Variants in PGAP2 observed in about 807,000 individuals in gnomAD.
PGAP2 encodes the protein acyltransferase PGAP2.
In PGAP2, 21 loss-of-function variants were observed where a neutral mutation model predicts 33.2. The observed-to-expected ratio is 0.63, with a 90% confidence interval of 0.45 to 0.91. PGAP2 has a LOEUF of 0.91. PGAP2 is among the 40% of genes least tolerant of loss of function. PGAP2 has a pLI of 0.00. For synonymous variants in PGAP2, 161 were observed against 172.9 expected (o/e 0.93, Z 0.54); for missense variants, 345 against 424.0 (o/e 0.81, Z 1.64).
intron 3 of PGAP2, among the ~76,000 whole-genome samples, chr11:3,823,386 G>T (rs1013686146): frequency 6.6e-6 from 1 of 152,098 alleles, no homozygotes; most frequent in African/African-American, 2.4e-5. Flanking sequence ...CTACCACCTT[G>T]GCACACCTGC....
At chr11:3,822,885 A>G (rs1393828642) in intron 3 of PGAP2, 2 of 1,319,684 alleles carry the variant, frequency 1.5e-6, no homozygotes, top group African/African-American at 3.0e-5. Context: ...GCAGCTGTGT[A>G]TTATCTTCTC....
At chr11:3,799,605 A>C (rs572760779) in intron 1 of PGAP2, among the ~76,000 whole-genome samples, 77 of 152,370 alleles carry the variant, frequency 5.1e-4, no homozygotes, top group Non-Finnish European at 9.4e-4. Context: ...CCTAAAATGT[A>C]AATGAGTTTA....
Position 3,825,379 on chromosome 11 carries a change from C to T in PGAP2, c.869C>T (p.Ala290Val), listed in dbSNP as rs753497329. ...LEYTVVLTNM[A>V]FHMTAWWDFG... ...TACACTGTTGTCTTAACCAACATGG[C>T]GTTCCACATGACGGCCTGGTGGGAC... The change falls in exon 7 of 7, where the codon GCG becomes GTG. Residue 290 changes from alanine to valine, a missense_variant. Around this residue, in one of 2 missense-constraint regions of PGAP2, gnomAD observed 311 missense variants for 353.6 expected, o/e 0.88. Transcript: ENST00000278243. 9.3e-6 allele frequency: 15 copies of T among 1,613,574 alleles called. No homozygotes were observed. The highest frequency in any genetic ancestry group is 4.4e-5 in the South Asian group (4 of 91,064).
upstream of PGAP2, among the ~76,000 whole-genome samples, chr11:3,806,599 A>T (rs1480491980): frequency 6.6e-6 from 1 of 152,206 alleles, no homozygotes; most frequent in Non-Finnish European, 1.5e-5. Context: ...AACAAATGCT[A>T]AGTGGCATTA....
Position 3,823,036 on chromosome 11 carries a change from T to C in PGAP2, c.349-847T>C, listed in dbSNP as rs757249834. On this transcript the variant is annotated intron_variant, in intron 3 of 6. Coordinates refer to ENST00000278243, the MANE Select transcript of PGAP2 (RefSeq NM_014489.4). ...TCTTTTTTCTTTTCTTTTTTTTTTT[T>C]TTTTTTTTTTTTTTTTTTGAGACAG... The C allele has an allele frequency of 2.8e-4, 122 of 442,878 alleles. No individual in the cohort carries two copies. The African/African-American group carries it at 2.9e-3, about 10-fold the overall frequency. The allele number at this position is 442,878 out of a possible 1,614,324, so 27.4% of individuals were successfully genotyped here.
At chr11:3,800,936 C>T (rs1272632436) in intron 1 of PGAP2, among the ~76,000 whole-genome samples, 2 of 151,262 alleles carry the variant, frequency 1.3e-5, no homozygotes, top group East Asian at 3.9e-4. Context: ...AGTTCGAAAC[C>T]CGCCTGGCCA....
upstream of PGAP2, chr11:3,808,229 G>A: frequency 6.5e-7 from 1 of 1,534,908 alleles, no homozygotes; most frequent in African/African-American, 1.4e-5. Flanking sequence ...GTGCGAGGCA[G>A]GAGAGACGGG....
At chr11:3,804,992 G>A (rs758305158), upstream of PGAP2, among the ~76,000 whole-genome samples, 26 of 152,138 alleles carry the variant, frequency 1.7e-4, no homozygotes, top group South Asian at 2.7e-3. Flanking sequence ...GTGAGCCACC[G>A]CACCCGGCCC....
intron 1 of PGAP2, among the ~76,000 whole-genome samples, chr11:3,799,537 A>G (rs2083153109): frequency 6.6e-6 from 1 of 152,228 alleles, no homozygotes; most frequent in Admixed American, 6.6e-5. Flanking sequence ...AAATTTTTAA[A>G]AAACCTCCAC....
chr11:3,813,591 C>T (rs768359927), intron 2 of PGAP2, among the ~76,000 whole-genome samples: 2 of 152,074 alleles, frequency 1.3e-5, no homozygotes, highest in Non-Finnish European at 2.9e-5. Flanking sequence ...CACACTGTTG[C>T]CCAGGCTGGT....
At chr11:3,819,358 C>CAGT (rs2087948341) in intron 3 of PGAP2, among the ~76,000 whole-genome samples, 2 of 152,120 alleles carry the variant, frequency 1.3e-5, no homozygotes, top group Admixed American at 1.3e-4. Flanking sequence ...GAGGCTGGTG[C>CAGT]AGTAGCTCAT....
upstream of PGAP2, among the ~76,000 whole-genome samples, chr11:3,804,354 A>C (rs112898337): frequency 0.027 from 4,157 of 152,140 alleles, 197 homozygotes; most frequent in African/African-American, 0.094. Flanking sequence ...AAGATGAGTG[A>C]GCTGGGGGTG....
In PGAP2 at chr11:3,825,413, C is replaced by T; in HGVS notation, c.903C>T (p.Asn301=). The T allele has an allele frequency of 6.2e-7, 1 of 1,613,846 alleles. No homozygotes were observed. The highest frequency in any genetic ancestry group is 8.5e-7 in the Non-Finnish European group (1 of 1,179,964). ...FHMTAWWDFG[N]KELLITSQPE... ...TGACGGCCTGGTGGGACTTCGGGAA[C>T]AAGGAGCTGCTCATAACCTCTCAGC... The change falls in exon 7 of 7, where the codon AAC becomes AAT. Residue 301 remains asparagine, a synonymous_variant. Transcript: ENST00000278243.
upstream of PGAP2, among the ~76,000 whole-genome samples, chr11:3,804,424 C>G (rs926157164): frequency 2.6e-5 from 4 of 152,058 alleles, no homozygotes; most frequent in Admixed American, 1.3e-4. Context: ...TTGAGAAGAA[C>G]AAGAATAACT....
rs769521183 is a variant in PGAP2 at position 3,824,665 on chromosome 11, C to G, written c.708+289C>G. On this transcript the variant is annotated intron_variant, in intron 5 of 6. Coordinates refer to ENST00000278243, the MANE Select transcript of PGAP2 (RefSeq NM_014489.4). ...CATCTAGGCGGCAGTGAGTTAGGAA[C>G]AGTGTCAGAGGACTGGTCTGTCATA... 5 of 739,030 alleles carry G rather than the reference C, an allele frequency of 6.8e-6. No homozygotes were observed. The African/African-American group carries it at 7.1e-5, about 10-fold the overall frequency. 45.8% of individuals were successfully genotyped at this position (739,030 alleles called of 1,614,324 possible).
intron 1 of PGAP2, among the ~76,000 whole-genome samples, chr11:3,809,188 T>G (rs1244817888): frequency 2.0e-5 from 3 of 152,150 alleles, no homozygotes; most frequent in Non-Finnish European, 4.4e-5. Context: ...TGAGGAGATC[T>G]CTAGGGACTT....
chr11:3,808,590 C>G lies in PGAP2; in HGVS notation c.-72C>G. Reference sequence around the variant, plus strand: ...CGCTCTGACCAGCCCGCAGAGCCAGCCCCCGACCCCGGGCCACCTGGGCCC... The same window carrying G: ...CGCTCTGACCAGCCCGCAGAGCCAGGCCCCGACCCCGGGCCACCTGGGCCC... On this transcript the variant is annotated 5_prime_UTR_variant, in exon 1 of 7. Transcript: ENST00000278243. 2 of 1,346,048 alleles carry G rather than the reference C, an allele frequency of 1.5e-6. No individual in the cohort carries two copies. The highest frequency in any genetic ancestry group is 1.7e-5 in the South Asian group (1 of 59,246). The allele number at this position is 1,346,048 out of a possible 1,614,324, so 83.4% of individuals were successfully genotyped here.
At chr11:3,824,242 T>C (rs2089567492) in intron 4 of PGAP2, 28 bp from the exon 5 acceptor site, 1 of 1,613,882 alleles carries the variant, frequency 6.2e-7, no homozygotes, top group Non-Finnish European at 8.5e-7. Flanking sequence ...CTCCCTGCAA[T>C]GTGGCTCCCA....
chr11:3,806,352 A>C (rs1205145631), upstream of PGAP2, among the ~76,000 whole-genome samples: 5 of 152,056 alleles, frequency 3.3e-5, no homozygotes, highest in African/African-American at 1.2e-4. Context: ...TTGCTAGTCC[A>C]TTTGTCCTGG....
Sources: gnomAD v4.1 joint callset for allele counts (sites outside exome capture counted in the v4.1 genomes callset) on GRCh38, gnomAD v4.1.1 for gene constraint, gnomAD v4.1.1 regional missense constraint, MANE v1.5 for transcripts, NCBI Gene and HGNC (gene_info 2026-07-23, HGNC 2026-07-21) for gene names.